C6: variants seen among roughly 807,000 people sequenced by gnomAD.
The protein encoded by C6 is complement C6, also known as complement component C6.
Under a neutral mutation model 112.9 loss-of-function variants are expected in C6, and 101 were observed. That is an observed-to-expected ratio of 0.89 (90% CI 0.76 to 1.06). The LOEUF (loss-of-function observed/expected upper bound fraction) is 1.06, where lower values mean the gene tolerates loss of function less well. Among genes scored for constraint, C6 ranks in the 50% least tolerant of loss-of-function variants. The pLI is 0.00. For missense variants in C6, 1,202 were observed against 1,104.6 expected, an observed-to-expected ratio of 1.09 and a Z score of -1.25; for synonymous variants, 431 against 384.1, an observed-to-expected ratio of 1.12 and a Z score of -1.43.
intron 1 of C6, among the ~76,000 whole-genome samples, chr5:41,232,234 C>T (rs1467408179): frequency 1.3e-5 from 2 of 152,056 alleles, no homozygotes; most frequent in Non-Finnish European, 2.9e-5. Flanking sequence ...TTGTATGTTT[C>T]CCCCTCTGCG....
chr5:41,170,758 A>C (rs562798320), intron 9 of C6, among the ~76,000 whole-genome samples: 3 of 152,284 alleles, frequency 2.0e-5, no homozygotes, highest in African/African-American at 7.2e-5. Flanking sequence ...CTCCATGAGA[A>C]GGTAAGCTTC....
At chr5:41,214,255 T>C (rs1752109682), upstream of C6, among the ~76,000 whole-genome samples, 1 of 152,208 alleles carries the variant, frequency 6.6e-6, no homozygotes, top group Admixed American at 6.5e-5. Flanking sequence ...GGTCCCTCAT[T>C]TGTAAAACAA....
upstream of C6, among the ~76,000 whole-genome samples, chr5:41,218,070 A>G (rs1433221140): frequency 6.6e-6 from 1 of 152,168 alleles, no homozygotes; most frequent in Non-Finnish European, 1.5e-5. Context: ...ACAAATATTT[A>G]CTGATTATAT....
chr5:41,259,774 T>C (rs994800996), intron 1 of C6, among the ~76,000 whole-genome samples: 3 of 152,200 alleles, frequency 2.0e-5, no homozygotes, highest in Admixed American at 1.3e-4. Flanking sequence ...CATTATTTTT[T>C]CCTAATATCT....
At chr5:41,235,521 A>G (rs1740236963) in intron 1 of C6, among the ~76,000 whole-genome samples, 1 of 144,142 alleles carries the variant, frequency 6.9e-6, no homozygotes, top group South Asian at 2.3e-4. Context: ...ATTGTGAATA[A>G]TGCTGCAATA....
chr5:41,247,180 GC>G lies in C6; in HGVS notation c.-21+14013del, dbSNP rs1043582959. Among the ~76,000 whole-genome samples the G allele has an allele frequency of 7.0e-4, 107 of 152,034 alleles. 1 individual carries two copies. The Middle Eastern group carries it at 0.017, about 24-fold the overall frequency. On this transcript the variant is annotated intron_variant, in intron 1 of 17. Transcript: ENST00000263413. ...AATAAGCCAATTCAAGGAAGTCCTA[GC>G]CAGAACAATCAGGCAAAGGAAAAAA...
intron 1 of C6, among the ~76,000 whole-genome samples, chr5:41,228,890 G>A (rs1739697092): frequency 6.6e-6 from 1 of 152,130 alleles, no homozygotes; most frequent in African/African-American, 2.4e-5. Context: ...TTGCACCTAT[G>A]TTCCACAGGA....
intron 17 of C6, among the ~76,000 whole-genome samples, chr5:41,149,031 T>A (rs1483901405): frequency 1.3e-5 from 2 of 152,180 alleles, no homozygotes; most frequent in African/African-American, 2.4e-5. Context: ...GAGAAAAGAT[T>A]GGCAAGATAT....
chr5:41,190,571 T>C lies in C6; in HGVS notation c.588-4363A>G, dbSNP rs550401484. Among the ~76,000 whole-genome samples, 38 of 152,318 alleles carry C rather than the reference T, an allele frequency of 2.5e-4. No individual in the cohort carries two copies. In the South Asian group the frequency reaches 6.2e-3, roughly 25 times the overall value. ...GTGTATGTTTATGTTGTCTTTTCAC[T>C]CTGTTACTGTTTTCTGCACTGTACA... On this transcript the variant is annotated intron_variant, in intron 5 of 17. Transcript: ENST00000337836.
rs546112807 is a variant in C6, at chr5:41,236,661, A to G, written c.-21+24533T>C. 7.0e-3 allele frequency among the ~76,000 whole-genome samples: 941 copies of G among 133,598 alleles called. 21 individuals carry two copies. Among genetic ancestry groups the G allele is most frequent in the African/African-American group, 0.026 (888 of 34,048 alleles). The allele number at this position is 133,598 out of a possible 152,430, so 87.6% of individuals were successfully genotyped here. A position where few individuals can be genotyped will look rare whatever the true frequency, so the allele number is the denominator to read the frequency against. On this transcript the variant is annotated intron_variant, in intron 1 of 17. Transcript: ENST00000263413. ...AATTGACACCCTAACATCTCAATTA[A>G]AAGAACTAGAAAAGCAAGAGCAAAC...
intron 15 of C6, among the ~76,000 whole-genome samples, chr5:41,153,582 T>A (rs1746611623): frequency 6.6e-6 from 1 of 152,246 alleles, no homozygotes; most frequent in Non-Finnish European, 1.5e-5. Context: ...ACTTTCTCCC[T>A]TTCTTTCACA....
rs1310435718 is a variant in C6, at chr5:41,236,999, C to A, written c.-21+24195G>T. 2.0e-5 allele frequency among the ~76,000 whole-genome samples: 3 copies of A among 151,654 alleles called. No individual in the cohort carries two copies. The East Asian group carries it at 5.9e-4, about 30-fold the overall frequency. ...TAGAAGAAGTGGATACATTCCTCGACACATACACTCTCCCAAGACTAAACC... is the reference window on the plus strand; with the variant it reads ...TAGAAGAAGTGGATACATTCCTCGAAACATACACTCTCCCAAGACTAAACC... On this transcript the variant is annotated intron_variant, in intron 1 of 17. Coordinates refer to the C6 transcript ENST00000263413.
chr5:41,186,918 T>TA (rs138658809), intron 5 of C6, among the ~76,000 whole-genome samples: 3,828 of 152,090 alleles, frequency 0.025, 162 homozygotes, highest in African/African-American at 0.088. Context: ...TTGTTATAGA[T>TA]AAAAAAACTT....
At chr5:41,227,355 C>A (rs1424683172) in intron 1 of C6, among the ~76,000 whole-genome samples, 1 of 151,950 alleles carries the variant, frequency 6.6e-6, no homozygotes, top group Non-Finnish European at 1.5e-5. Context: ...TGCATATAAA[C>A]TCTTCATCAG....
Position 41,149,376 on chromosome 5 carries a change from G to A in C6, c.2488C>T (p.His830Tyr). ...TGGCAGGAACCAATATGTAGAAAAT[G>A]GAGTTGCTGATTATTTAAACATTTC... ...AEKCLNNQQL[H>Y]FLHIGSCQDG... Residue 830 changes from histidine to tyrosine, a missense_variant, in exon 17 of 18, where the codon CAT (histidine) becomes TAT (tyrosine). Transcript: ENST00000337836. 3 of 1,614,118 alleles carry A rather than the reference G, an allele frequency of 1.9e-6. No homozygotes were observed. Among genetic ancestry groups the A allele is most frequent in the Non-Finnish European group, 1.7e-6 (2 of 1,179,992 alleles).
Position 41,232,092 on chromosome 5 carries a change from C to T in C6, c.-20-28842G>A, listed in dbSNP as rs559767958. 1.1e-4 allele frequency among the ~76,000 whole-genome samples: 16 copies of T among 152,012 alleles called. No individual in the cohort carries two copies. The South Asian group carries it at 2.9e-3, about 28-fold the overall frequency. ...AATTCATAGCTGTCTTTGTTGTATC[C>T]CTGTAACTATGAGATTTTCAAAAAT... On this transcript the variant is annotated intron_variant, in intron 1 of 17. Transcript: ENST00000263413.
intron 1 of C6, among the ~76,000 whole-genome samples, chr5:41,256,975 T>C (rs1186585793): frequency 6.6e-6 from 1 of 152,204 alleles, no homozygotes; most frequent in Non-Finnish European, 1.5e-5. Flanking sequence ...TCATCTTTGT[T>C]TACACTAAAA....
chr5:41,143,573 C>G (rs985927338), intron 17 of C6, among the ~76,000 whole-genome samples: 22 of 152,006 alleles, frequency 1.4e-4, no homozygotes, highest in African/African-American at 4.8e-4. Context: ...TTTTTTGAAC[C>G]CTTACAGCAA....
chr5:41,166,666 A>C (rs1292668769), intron 9 of C6, among the ~76,000 whole-genome samples: 5 of 152,208 alleles, frequency 3.3e-5, no homozygotes, highest in Non-Finnish European at 7.4e-5. Context: ...AGTAAACATA[A>C]TACAGTGTGA....
Sources: allele counts gnomAD v4.1 joint callset (sites outside exome capture counted in the v4.1 genomes callset), GRCh38; gene constraint gnomAD v4.1.1; transcripts MANE v1.5; gene names NCBI Gene and HGNC (gene_info 2026-07-23, HGNC 2026-07-21).